CADM2: variants seen among roughly 807,000 people sequenced by gnomAD.
CADM2 encodes the protein immunoglobulin superfamily member 4D.
Under a neutral mutation model 49.8 loss-of-function variants are expected in CADM2, and 12 were observed. That is an observed-to-expected ratio of 0.24 (90% CI 0.15 to 0.39). The LOEUF is 0.39. Among genes scored for constraint, CADM2 ranks in the 10% least tolerant of loss-of-function variants. The probability of loss-of-function intolerance (pLI) is 1.00; values close to 1 mark genes in which losing one functional copy is unlikely to be tolerated. For synonymous variants in CADM2, 214 were observed against 175.4 expected (o/e 1.22, Z -1.74); for missense variants, 378 against 492.3 (o/e 0.77, Z 2.20).
At chr3:85,774,445 A>C (rs2070257484) in intron 2 of CADM2, among the ~76,000 whole-genome samples, 1 of 151,812 alleles carries the variant, frequency 6.6e-6, no homozygotes, top group Admixed American at 6.6e-5. Flanking sequence ...TGCACAAGGA[A>C]ATGTTTTAAT....
intron 1 of CADM2, among the ~76,000 whole-genome samples, chr3:85,493,238 A>G (rs1174798969): frequency 6.6e-6 from 1 of 152,150 alleles, no homozygotes; most frequent in Admixed American, 6.5e-5. Context: ...CCAAATACAT[A>G]TTTGGAGATT....
chr3:85,929,457 A>T (rs1182693157), intron 6 of CADM2, among the ~76,000 whole-genome samples: 1 of 152,038 alleles, frequency 6.6e-6, no homozygotes, highest in Admixed American at 6.6e-5. Context: ...AAAGCATGTA[A>T]GGAAAAGTTT....
chr3:85,321,110 ATATATATTTTTTTTTTTTTTTTTTTTT>A (rs1559777955), intron 1 of CADM2, among the ~76,000 whole-genome samples: 3 of 33,726 alleles, frequency 8.9e-5, no homozygotes, highest in African/African-American at 3.0e-4. Flanking sequence ...ATATATATAT[ATATATATTTTTTTTTTTTTTTTTTTTT>A]TTTTTTTTTT....
intron 1 of CADM2, among the ~76,000 whole-genome samples, chr3:85,675,850 T>G (rs1397581653): frequency 6.6e-6 from 1 of 152,124 alleles, no homozygotes; most frequent in Admixed American, 6.5e-5. Flanking sequence ...TTTCTTCCTG[T>G]GTATGTGTGG....
intron 1 of CADM2, among the ~76,000 whole-genome samples, chr3:85,311,317 T>C (rs1268963500): frequency 6.6e-6 from 1 of 151,594 alleles, no homozygotes; most frequent in Non-Finnish European, 1.5e-5. Flanking sequence ...TGCATACTTT[T>C]GTTTGGATGC....
At position 85,601,173 on chromosome 3, in the gene CADM2, T is replaced by TAC. The variant is rs374397941; in HGVS notation, c.62-125333_62-125332dup. On this transcript the variant is annotated intron_variant, in intron 1 of 9. Coordinates refer to ENST00000383699, the MANE Select transcript of CADM2 (RefSeq NM_001167675.2). Reference sequence around the variant, plus strand: ...ATATATATATATATATATATATATATACACACACACACACACATACATGTC... The same window carrying TAC: ...ATATATATATATATATATATATATATACACACACACACACACACATACATGTC... Among the ~76,000 whole-genome samples the TAC allele has an allele frequency of 4.6e-3, 452 of 99,320 alleles. 4 individuals are homozygous for TAC. The highest frequency in any genetic ancestry group is 0.018 in the African/African-American group (374 of 20,580). The allele number at this position is 99,320 out of a possible 152,430, so 65.2% of individuals were successfully genotyped here. A position where few individuals can be genotyped will look rare whatever the true frequency, so the allele number is the denominator to read the frequency against.
At chr3:85,510,715 A>G (rs942631026) in intron 1 of CADM2, among the ~76,000 whole-genome samples, 1 of 151,952 alleles carries the variant, frequency 6.6e-6, no homozygotes. Context: ...TAACTCACTG[A>G]TTTTTTGCTT....
intron 2 of CADM2, among the ~76,000 whole-genome samples, chr3:85,727,996 C>A (rs1422475698): frequency 6.6e-6 from 1 of 151,998 alleles, no homozygotes; most frequent in African/African-American, 2.4e-5. Flanking sequence ...ATGCAATAGA[C>A]AATGGAGTGA....
intron 1 of CADM2, among the ~76,000 whole-genome samples, chr3:85,008,003 T>C (rs1379491894): frequency 6.6e-6 from 1 of 152,172 alleles, no homozygotes; most frequent in Non-Finnish European, 1.5e-5. Flanking sequence ...GAAGAGTTCA[T>C]AATTCATAAA....
intron 3 of CADM2, among the ~76,000 whole-genome samples, chr3:85,872,989 A>G (rs988136567): frequency 1.3e-5 from 2 of 152,204 alleles, no homozygotes; most frequent in Non-Finnish European, 2.9e-5. Flanking sequence ...CTAGAAATTC[A>G]CTTGGCTCAT....
At chr3:85,943,851 G>T (rs970547935) in intron 7 of CADM2, among the ~76,000 whole-genome samples, 2 of 152,054 alleles carry the variant, frequency 1.3e-5, no homozygotes, top group African/African-American at 4.8e-5. Flanking sequence ...ATGCTAAGTA[G>T]AAACTGCATC....
intron 1 of CADM2, among the ~76,000 whole-genome samples, chr3:84,988,004 G>T (rs1032186187): frequency 1.3e-5 from 2 of 152,138 alleles, no homozygotes; most frequent in African/African-American, 4.8e-5. Context: ...GGAAGGTCCC[G>T]ATTTGGAGCT....
chr3:85,358,165 G>A (rs1576412039), intron 1 of CADM2, among the ~76,000 whole-genome samples: 1 of 151,942 alleles, frequency 6.6e-6, no homozygotes, highest in East Asian at 1.9e-4. Context: ...CTGCATCCCT[G>A]GCTTCTACCA....
chr3:85,072,579 T>C (rs536357268), intron 1 of CADM2, among the ~76,000 whole-genome samples: 2 of 152,244 alleles, frequency 1.3e-5, no homozygotes, highest in East Asian at 3.9e-4. Flanking sequence ...GTTTCTGCTC[T>C]TCTGTTGATG....
chr3:85,840,149 C>A (rs970907471), intron 3 of CADM2, among the ~76,000 whole-genome samples: 1 of 151,994 alleles, frequency 6.6e-6, no homozygotes, highest in Middle Eastern at 3.4e-3. Context: ...CATTCTTTGA[C>A]TGCTCCTATT....
chr3:85,082,397 A>T (rs770215904), intron 1 of CADM2, among the ~76,000 whole-genome samples: 3 of 152,168 alleles, frequency 2.0e-5, no homozygotes, highest in Non-Finnish European at 4.4e-5. Flanking sequence ...CACAGGGCAT[A>T]TTATTTTGCA....
intron 1 of CADM2, among the ~76,000 whole-genome samples, chr3:85,019,975 C>T (rs1001810733): frequency 6.6e-5 from 10 of 152,118 alleles, no homozygotes; most frequent in Non-Finnish European, 1.3e-4. Context: ...CCAATCCCCA[C>T]CCTCCACAAA....
intron 5 of CADM2, among the ~76,000 whole-genome samples, chr3:85,896,550 G>A (rs1039060242): frequency 2.0e-5 from 3 of 152,124 alleles, no homozygotes; most frequent in African/African-American, 7.2e-5. Flanking sequence ...ACCTGGTTAG[G>A]CACCAAAGCT....
intron 1 of CADM2, among the ~76,000 whole-genome samples, chr3:85,687,210 A>G (rs2107671637): frequency 6.6e-6 from 1 of 152,384 alleles, no homozygotes; most frequent in South Asian, 2.1e-4. Flanking sequence ...TTAATAGTTT[A>G]ACACAATTTT....
Sources: allele counts gnomAD v4.1 joint callset (sites outside exome capture counted in the v4.1 genomes callset), GRCh38; gene constraint gnomAD v4.1.1; transcripts MANE v1.5; gene names NCBI Gene and HGNC (gene_info 2026-07-23, HGNC 2026-07-21).